The following SRPK1 variants were observed in gnomAD, a reference collection of about 807,000 sequenced individuals.
SRPK1 encodes the protein SRSF protein kinase 1, also known as SFRS protein kinase 1.
A neutral mutation model predicts 89.5 loss-of-function variants in SRPK1; 52 were observed. The ratio of observed to expected loss-of-function variants is 0.58; its 90% CI spans 0.46 to 0.73. SRPK1 has a LOEUF of 0.73. Among genes scored for constraint, SRPK1 ranks in the 30% least tolerant of loss-of-function variants. The pLI is 0.00. For missense variants in SRPK1, 603 were observed against 780.6 expected, an observed-to-expected ratio of 0.77 and a Z score of 2.71; for synonymous variants, 255 against 270.2, an observed-to-expected ratio of 0.94 and a Z score of 0.55.
intron 2 of SRPK1, among the ~76,000 whole-genome samples, chr6:35,919,557 G>C (rs992189283): frequency 6.6e-6 from 1 of 152,194 alleles, no homozygotes; most frequent in Admixed American, 6.5e-5. Flanking sequence ...AGCTCTCTCT[G>C]AATACAAAGT....
chr6:35,835,527 A>C (rs1769160994), intron 15 of SRPK1, 39 bp from the exon 16 acceptor site: 4 of 1,556,516 alleles, frequency 2.6e-6, no homozygotes, highest in Non-Finnish European at 3.5e-6. Context: ...ACTGATCAAC[A>C]CAGACAAATG....
chr6:35,855,837 C>T lies in SRPK1; in HGVS notation c.1620+1424G>A, dbSNP rs563592248. Among the ~76,000 whole-genome samples, 10 of 152,244 alleles carry T rather than the reference C, an allele frequency of 6.6e-5. No homozygotes were observed. In the East Asian group the frequency reaches 9.7e-4, roughly 15 times the overall value. Reference sequence around the variant, plus strand: ...GCAACCTCTGCTTCCCAGGTTCAAGCGATTCTCCTGCCTCAGCCTCCCAAG... The same window carrying T: ...GCAACCTCTGCTTCCCAGGTTCAAGTGATTCTCCTGCCTCAGCCTCCCAAG... On this transcript the variant is annotated intron_variant, in intron 13 of 15. Transcript: ENST00000373825.
chr6:35,846,203 T>C (rs756154867), intron 13 of SRPK1, among the ~76,000 whole-genome samples: 4 of 151,910 alleles, frequency 2.6e-5, no homozygotes, highest in Admixed American at 6.6e-5. Context: ...GACGGGAGGA[T>C]TGCTTGAGCC....
In SRPK1 at chr6:35,842,517, A is replaced by G. The variant is rs1769332499; in HGVS notation, c.1690+18T>C. ...GTGTAAATACCACGCACACACATCC[A>G]TGGTTAAGGGGACTCACCTTCATCT... On this transcript the variant is annotated intron_variant, in intron 14 of 15. Transcript: ENST00000373825. 2 of 1,591,204 alleles carry G rather than the reference A, an allele frequency of 1.3e-6. No individual in the cohort carries two copies.
At chr6:35,836,777 A>C (rs1561963484) in intron 15 of SRPK1, among the ~76,000 whole-genome samples, 3 of 149,978 alleles carry the variant, frequency 2.0e-5, no homozygotes, top group Non-Finnish European at 4.4e-5. Context: ...AATAATAATA[A>C]TAATAATAAT....
chr6:35,893,035 T>C (rs911990436), intron 2 of SRPK1, among the ~76,000 whole-genome samples: 2 of 152,224 alleles, frequency 1.3e-5, no homozygotes, highest in African/African-American at 4.8e-5. Flanking sequence ...TCAATGTTCA[T>C]TGTAACTGAA....
intron 2 of SRPK1, among the ~76,000 whole-genome samples, chr6:35,917,251 CAG>C (rs1771130511): frequency 6.6e-6 from 1 of 152,150 alleles, no homozygotes; most frequent in Non-Finnish European, 1.5e-5. Context: ...CCCAAGCATC[CAG>C]AGGTCTCTCA....
chr6:35,874,559 G>C (rs1770112984), intron 6 of SRPK1, among the ~76,000 whole-genome samples: 1 of 152,144 alleles, frequency 6.6e-6, no homozygotes, highest in Non-Finnish European at 1.5e-5. Flanking sequence ...TGGGCGGCTG[G>C]CTTCATCAAT....
chr6:35,875,616 A>G (rs1246822845), intron 6 of SRPK1, among the ~76,000 whole-genome samples: 1 of 152,224 alleles, frequency 6.6e-6, no homozygotes, highest in Non-Finnish European at 1.5e-5. Flanking sequence ...GAAGAGAAAC[A>G]TCTTCTTTAG....
At chr6:35,854,596 T>C (rs922516277) in intron 13 of SRPK1, among the ~76,000 whole-genome samples, 22 of 152,166 alleles carry the variant, frequency 1.4e-4, no homozygotes, top group African/African-American at 5.3e-4. Context: ...TCCAGAACTA[T>C]GAGGTGAGAT....
At position 35,835,407 on chromosome 6, in the gene SRPK1, T is replaced by C. The variant is rs1303696111; in HGVS notation, c.1865A>G (p.Glu622Gly). The change falls in exon 16 of 16, where the codon GAG becomes GGG. Residue 622 changes from glutamate (E) to glycine (G), a missense_variant. Coordinates refer to ENST00000373825, the MANE Select transcript of SRPK1 (RefSeq NM_003137.5). ...TAAGAAATCTGTGAAGCCAGCTGCCTCTTCCTGCGACCACTCATACTTCTC... is the reference window on the plus strand; with the variant it reads ...TAAGAAATCTGTGAAGCCAGCTGCCCCTTCCTGCGACCACTCATACTTCTC... ...LVEKYEWSQEEAAGFTDFLLP... is the reference protein window; with the variant it reads ...LVEKYEWSQEGAAGFTDFLLP... 6.2e-7 allele frequency: 1 copy of C among 1,613,760 alleles called. No homozygotes were observed. The highest frequency in any genetic ancestry group is 1.1e-5 in the South Asian group (1 of 91,010).
intron 12 of SRPK1, among the ~76,000 whole-genome samples, chr6:35,857,664 C>T (rs767002532): frequency 6.6e-6 from 1 of 152,182 alleles, no homozygotes; most frequent in African/African-American, 2.4e-5. Context: ...GATGGGGTCT[C>T]GCTATGTTAC....
chr6:35,884,116 A>G (rs1770354468), intron 6 of SRPK1, among the ~76,000 whole-genome samples: 1 of 152,198 alleles, frequency 6.6e-6, no homozygotes, highest in South Asian at 2.1e-4. Flanking sequence ...GGCTTATGTT[A>G]TTGAGTAAGC....
intron 2 of SRPK1, among the ~76,000 whole-genome samples, chr6:35,911,831 T>A (rs937390683): frequency 6.6e-6 from 1 of 152,116 alleles, no homozygotes; most frequent in African/African-American, 2.4e-5. Context: ...TCTTAATTTA[T>A]AAAACAGTAG....
intron 2 of SRPK1, among the ~76,000 whole-genome samples, chr6:35,899,588 T>A (rs781347221): frequency 2.6e-5 from 4 of 152,186 alleles, no homozygotes; most frequent in Non-Finnish European, 5.9e-5. Flanking sequence ...TTAAAGTCCA[T>A]TACACATCTG....
rs537690666 is a variant in SRPK1, at chr6:35,834,409, G to A, written c.*895C>T. The A allele has an allele frequency of 1.3e-5, 2 of 152,302 alleles. No individual in the cohort carries two copies. Among genetic ancestry groups the A allele is most frequent in the East Asian group, 3.9e-4 (2 of 5,184 alleles). 9.4% of individuals were successfully genotyped at this position (152,302 alleles called of 1,614,324 possible). On this transcript the variant is annotated 3_prime_UTR_variant, in exon 16 of 16. Transcript: ENST00000373825. ...TATTTTTCTTAAATGGGAAAGCTCT[G>A]AAACCCAGATCTCCGTTCTACCATC...
intron 13 of SRPK1, among the ~76,000 whole-genome samples, chr6:35,848,257 G>A (rs1418322098): frequency 6.6e-6 from 1 of 152,096 alleles, no homozygotes; most frequent in Non-Finnish European, 1.5e-5. Flanking sequence ...GCAATCATGA[G>A]CACAAAGAAG....
rs185752773 is a variant in SRPK1 at position 35,883,309 on chromosome 6, A to C, written c.478+3415T>G. On this transcript the variant is annotated intron_variant, in intron 6 of 15. Coordinates refer to ENST00000373825, the MANE Select transcript of SRPK1 (RefSeq NM_003137.5). ...GAGGGTGAGGAAGGAGAATCGCTTG[A>C]ACCTGGGAGGCGGAGGTTGCAGTGA... Among the ~76,000 whole-genome samples the C allele has an allele frequency of 1.0e-3, 156 of 152,206 alleles. 1 individual carries two copies. In the East Asian group the frequency reaches 0.012, roughly 11 times the overall value.
chr6:35,920,854 G>C (rs1308531698), intron 1 of SRPK1, 190 bp downstream of exon 1: 2 of 559,672 alleles, frequency 3.6e-6, no homozygotes, highest in African/African-American at 4.0e-5. Context: ...GCCGGCGCCA[G>C]AGGACGCCCG....
Sources: allele counts gnomAD v4.1 joint callset (sites outside exome capture counted in the v4.1 genomes callset), GRCh38; gene constraint gnomAD v4.1.1; transcripts MANE v1.5; gene names NCBI Gene and HGNC (gene_info 2026-07-23, HGNC 2026-07-21).